The following RBFOX1 variants were observed in gnomAD, a reference collection of about 807,000 sequenced individuals.
RBFOX1 encodes the protein RNA binding fox-1 homolog 1, also known as RNA binding protein fox-1 homolog 1.
In RBFOX1, 8 loss-of-function variants were observed where a neutral mutation model predicts 57.7. The observed-to-expected ratio is 0.14, with a 90% confidence interval of 0.08 to 0.25. RBFOX1 has a LOEUF of 0.25. RBFOX1 is among the 10% of genes least tolerant of loss of function. RBFOX1 has a pLI of 1.00. For synonymous variants in RBFOX1, 326 were observed against 222.4 expected, an observed-to-expected ratio of 1.47 and a Z score of -4.15; for missense variants, 611 against 548.5, an observed-to-expected ratio of 1.11 and a Z score of -1.14.
At chr16:7,411,554 C>G (rs1183268291) in intron 4 of RBFOX1, among the ~76,000 whole-genome samples, 2 of 152,168 alleles carry the variant, frequency 1.3e-5, no homozygotes, top group South Asian at 2.1e-4. Context: ...AAACATCAGT[C>G]AACTTCCAGT....
Position 5,447,378 on chromosome 16 carries a change from A to ATCTCTCTCTCTCTCTCTCTCTCTC in RBFOX1, c.220-19829_220-19806dup, listed in dbSNP as rs71142623. ...TCATTCAATGTCAATCAATCAATCA[A>ATCTCTCTCTCTCTCTCTCTCTCTC]TCTCTCTCTCTCTCTCTCTCTCTCT... On this transcript the variant is annotated intron_variant, in intron 1 of 2. Coordinates refer to the RBFOX1 transcript ENST00000585867. 5.2e-4 allele frequency among the ~76,000 whole-genome samples: 70 copies of ATCTCTCTCTCTCTCTCTCTCTCTC among 134,448 alleles called. 5 individuals carry two copies. The highest frequency in any genetic ancestry group is 1.8e-3 in the African/African-American group (59 of 33,346). The allele number at this position is 134,448 out of a possible 152,430, so 88.2% of individuals were successfully genotyped here.
At position 6,248,305 on chromosome 16, in the gene RBFOX1, T is replaced by C. The variant is rs993855417; in HGVS notation, c.-126-68690T>C. ...GGAAAAAAGAGAGGTGGCCTTGGAT[T>C]TTCTTTGCTTTTGGATAATGGGCAT... is the stretch of plus-strand genomic sequence containing the variant. On this transcript the variant is annotated intron_variant, in intron 1 of 15. Transcript: ENST00000550418. 3.3e-5 allele frequency among the ~76,000 whole-genome samples: 5 copies of C among 152,114 alleles called. 1 individual carries two copies. Among genetic ancestry groups the C allele is most frequent in the Admixed American group, 2.6e-4 (4 of 15,254 alleles).
At chr16:7,105,623 G>A (rs1272318185) in intron 4 of RBFOX1, among the ~76,000 whole-genome samples, 1 of 152,070 alleles carries the variant, frequency 6.6e-6, no homozygotes, top group African/African-American at 2.4e-5. Flanking sequence ...CATCCAGGTT[G>A]CTGCGAATGC....
chr16:6,734,030 G>C (rs2069397219), intron 3 of RBFOX1, among the ~76,000 whole-genome samples: 1 of 152,186 alleles, frequency 6.6e-6, no homozygotes, highest in African/African-American at 2.4e-5. Context: ...TTTAACACGT[G>C]CTTATGTTTC....
rs564447845 is a variant in RBFOX1 at position 5,973,586 on chromosome 16, T to G, written c.351+106251T>G. Among the ~76,000 whole-genome samples the G allele has an allele frequency of 2.6e-5, 4 of 152,350 alleles. No homozygotes were observed. The East Asian group carries it at 7.7e-4, about 29-fold the overall frequency. On this transcript the variant is annotated intron_variant, in intron 4 of 19. Coordinates refer to the RBFOX1 transcript ENST00000641259. ...GTTAGGTTGCTTTGATGGTTAATTT[T>G]GTGTCAGGTTGACTAGGCCATGGGG... is the stretch of plus-strand genomic sequence containing the variant.
chr16:6,523,749 A>T (rs1385687730), intron 2 of RBFOX1, among the ~76,000 whole-genome samples: 1 of 152,222 alleles, frequency 6.6e-6, no homozygotes, highest in Non-Finnish European at 1.5e-5. Context: ...CCATTGGTTG[A>T]CTATAAAAAA....
At chr16:7,667,827 C>T (rs1044441760) in intron 13 of RBFOX1, among the ~76,000 whole-genome samples, 28 of 152,212 alleles carry the variant, frequency 1.8e-4, no homozygotes, top group Middle Eastern at 3.4e-3. Flanking sequence ...GCGCCTACCA[C>T]CACCCCTGGC....
intron 1 of RBFOX1, among the ~76,000 whole-genome samples, chr16:6,187,321 G>C (rs118048333): frequency 3.1e-3 from 472 of 152,188 alleles, no homozygotes; most frequent in Non-Finnish European, 5.1e-3. Flanking sequence ...GGAGGAAAGA[G>C]TAGAGGAGGG....
intron 3 of RBFOX1, among the ~76,000 whole-genome samples, chr16:6,881,509 C>T (rs1037874848): frequency 3.9e-5 from 6 of 152,148 alleles, no homozygotes; most frequent in African/African-American, 1.4e-4. Flanking sequence ...GCCTGTGTAT[C>T]TTTACATCAT....
In RBFOX1 at chr16:6,245,864, T is replaced by C. The variant is rs1413650058; in HGVS notation, c.-126-71131T>C. Among the ~76,000 whole-genome samples, 3 of 152,328 alleles carry C rather than the reference T, an allele frequency of 2.0e-5. No homozygotes were observed. The East Asian group carries it at 5.8e-4, about 29-fold the overall frequency. On this transcript the variant is annotated intron_variant, in intron 1 of 15. Transcript: ENST00000550418. ...TCCCTGCCTTCATCAGGATCTCCGC[T>C]TGGTTTTGTTGAGACACAGAGTATC... is the stretch of plus-strand genomic sequence containing the variant.
chr16:7,621,247 A>G (rs1034833756), intron 10 of RBFOX1, among the ~76,000 whole-genome samples: 8 of 152,116 alleles, frequency 5.3e-5, no homozygotes, highest in African/African-American at 7.2e-5. Context: ...CAAATACTCT[A>G]TGGAATAACT....
intron 12 of RBFOX1, among the ~76,000 whole-genome samples, chr16:7,662,413 A>C (rs952823070): frequency 3.3e-5 from 5 of 152,120 alleles, no homozygotes; most frequent in Non-Finnish European, 5.9e-5. Context: ...CCGACCCATT[A>C]TTGAATTCTA....
chr16:5,769,198 G>A (rs964296836), intron 3 of RBFOX1, among the ~76,000 whole-genome samples: 1 of 152,104 alleles, frequency 6.6e-6, no homozygotes, highest in African/African-American at 2.4e-5. Flanking sequence ...ACTAAATTAT[G>A]TCCCCTCAAA....
intron 1 of RBFOX1, among the ~76,000 whole-genome samples, chr16:5,321,533 G>A (rs1042932087): frequency 2.0e-5 from 3 of 152,124 alleles, no homozygotes; most frequent in Non-Finnish European, 4.4e-5. Context: ...TGTTAGCCAG[G>A]ATGGTCTCGA....
chr16:6,527,893 C>G (rs1436206769), intron 2 of RBFOX1, among the ~76,000 whole-genome samples: 1 of 152,170 alleles, frequency 6.6e-6, no homozygotes, highest in Non-Finnish European at 1.5e-5. Context: ...CCACACCCCT[C>G]AGTCACGATT....
intron 4 of RBFOX1, among the ~76,000 whole-genome samples, chr16:5,894,490 G>A (rs952468621): frequency 3.3e-5 from 5 of 151,978 alleles, no homozygotes; most frequent in Non-Finnish European, 5.9e-5. Context: ...GGCCTGGCTG[G>A]TCTTGAACTC....
intron 4 of RBFOX1, among the ~76,000 whole-genome samples, chr16:7,252,679 C>A (rs1376835957): frequency 2.0e-5 from 3 of 151,058 alleles, no homozygotes; most frequent in African/African-American, 7.3e-5. Context: ...TAGACGTAAC[C>A]TTTTTCATTT....
Position 6,900,975 on chromosome 16 carries a change from C to G in RBFOX1, c.-15-151082C>G, listed in dbSNP as rs145913712. Among the ~76,000 whole-genome samples the G allele has an allele frequency of 4.6e-3, 696 of 152,244 alleles. 5 individuals are homozygous for G. The highest frequency in any genetic ancestry group is 0.016 in the African/African-American group (668 of 41,538). ...GTGTGAATGCCATTTAAGATGTTCCCATAACGTTCATTAGAACTAGAAAGA... is the reference window on the plus strand; with the variant it reads ...GTGTGAATGCCATTTAAGATGTTCCGATAACGTTCATTAGAACTAGAAAGA... On this transcript the variant is annotated intron_variant, in intron 3 of 15. Transcript: ENST00000550418.
intron 2 of RBFOX1, chr16:6,483,324 C>G (rs1054227877): frequency 1.3e-5 from 19 of 1,464,442 alleles, no homozygotes; most frequent in African/African-American, 2.8e-5. Flanking sequence ...TCGGGGCGTT[C>G]TGCACCTGCT....
Sources: gnomAD v4.1 joint callset for allele counts (sites outside exome capture counted in the v4.1 genomes callset) on GRCh38, gnomAD v4.1.1 for gene constraint, MANE v1.5 for transcripts, NCBI Gene and HGNC (gene_info 2026-07-23, HGNC 2026-07-21) for gene names.